The following MGME1 variants were observed in gnomAD, a reference collection of about 807,000 sequenced individuals.
MGME1 encodes mitochondrial genome maintenance exonuclease 1, also known as chromosome 20 open reading frame 72.
MGME1 carries 22 observed loss-of-function variants against 33.0 expected under a neutral mutation model. The observed-to-expected ratio is 0.67, with a 90% CI of 0.48 to 0.95. MGME1 has a LOEUF of 0.95. MGME1 is among the 40% of genes least tolerant of loss of function. The pLI is 0.00. For missense variants in MGME1, 383 were observed against 397.8 expected, an observed-to-expected ratio of 0.96 and a Z score of 0.32; for synonymous variants, 133 against 144.0, an observed-to-expected ratio of 0.92 and a Z score of 0.55.
intron 3 of MGME1, among the ~76,000 whole-genome samples, chr20:17,976,183 G>A (rs570665376): frequency 6.6e-6 from 1 of 152,160 alleles, no homozygotes; most frequent in Non-Finnish European, 1.5e-5. Context: ...GAGTGCAGTG[G>A]TGCAATCTTG....
At chr20:17,988,058 TG>T in intron 3 of MGME1, 107 bp from the exon 4 acceptor site, 1 of 1,102,702 alleles carries the variant, frequency 9.1e-7, no homozygotes. Flanking sequence ...ATAAGAGCAA[TG>T]GTCATTGGCT....
intron 2 of MGME1, among the ~76,000 whole-genome samples, chr20:17,971,271 T>C (rs910905): frequency 0.27 from 40,883 of 152,052 alleles, 5,818 homozygotes; most frequent in East Asian, 0.43. Context: ...ATAGGTGGTA[T>C]TGGATATGTA....
At chr20:17,973,780 G>A (rs2035787878) in intron 2 of MGME1, among the ~76,000 whole-genome samples, 1 of 152,024 alleles carries the variant, frequency 6.6e-6, no homozygotes, top group African/African-American at 2.4e-5. Context: ...TGCTTCCTTT[G>A]CTCTACTGTG....
intron 3 of MGME1, among the ~76,000 whole-genome samples, chr20:17,987,427 G>T (rs1188330125): frequency 1.3e-5 from 2 of 152,066 alleles, no homozygotes; most frequent in East Asian, 3.9e-4. Context: ...GTACAAAAAA[G>T]AATGTAAAAT....
At chr20:17,986,626 C>T (rs1182503515) in intron 3 of MGME1, among the ~76,000 whole-genome samples, 1 of 152,006 alleles carries the variant, frequency 6.6e-6, no homozygotes, top group Admixed American at 6.6e-5. Flanking sequence ...TCCCAAAGTG[C>T]TGGAGATTAC....
chr20:17,989,595 C>G (rs1287433384), intron 4 of MGME1, among the ~76,000 whole-genome samples: 1 of 145,864 alleles, frequency 6.9e-6, no homozygotes, highest in African/African-American at 2.6e-5. Context: ...GCCTCAGCTT[C>G]GAGGGTGCAA....
In MGME1 at chr20:17,990,150, A is replaced by G; in HGVS notation, c.*41A>G. ...TTGGGAACATTCAGCACCTTCTCAC[A>G]GTTTGGGAACATATATTGCTGTTTA... On this transcript the variant is annotated 3_prime_UTR_variant, in exon 5 of 5. Transcript: ENST00000377710. 1 of 1,582,636 alleles carries G rather than the reference A, an allele frequency of 6.3e-7. No individual in the cohort carries two copies. Among genetic ancestry groups the G allele is most frequent in the Non-Finnish European group, 8.7e-7 (1 of 1,151,566 alleles).
intron 2 of MGME1, among the ~76,000 whole-genome samples, chr20:17,974,938 C>T (rs748002670): frequency 9.9e-5 from 15 of 152,094 alleles, no homozygotes; most frequent in Non-Finnish European, 1.9e-4. Context: ...AAAAGGATTC[C>T]CCCACCTATG....
At position 17,988,567 on chromosome 20, in the gene MGME1, G is replaced by A. The variant is rs563887809; in HGVS notation, c.864+269G>A. Among the ~76,000 whole-genome samples, 17 of 150,958 alleles carry A rather than the reference G, an allele frequency of 1.1e-4. 1 individual carries two copies. In the South Asian group the frequency reaches 3.4e-3, roughly 30 times the overall value. On this transcript the variant is annotated intron_variant, in intron 4 of 4. Coordinates refer to ENST00000377710, the MANE Select transcript of MGME1 (RefSeq NM_052865.4). Reference sequence around the variant, plus strand: ...TGAGGCAGGAGAATTGCTTGAACCCGCGAGGTGGAGGTTGTAGTGAGCCAA... The same window carrying A: ...TGAGGCAGGAGAATTGCTTGAACCCACGAGGTGGAGGTTGTAGTGAGCCAA...
At position 17,975,743 on chromosome 20, in the gene MGME1, G is replaced by T; in HGVS notation, c.571G>T (p.Glu191Ter). The T allele has an allele frequency of 6.2e-7, 1 of 1,614,066 alleles. No homozygotes were observed. The highest frequency in any genetic ancestry group is 8.5e-7 in the Non-Finnish European group (1 of 1,180,026). ...CTTGGAAAGCATACTTTCACCCCAG[G>T]AAACCTTAAAAGAGAGAGATGAAAA... ...EALESILSPQ[E>*]TLKERDENLL... is the part of the protein sequence containing the mutation. The change falls in exon 3 of 5, where the codon GAA (glutamate) becomes TAA (stop). Residue 191 changes from glutamate (E) to a stop codon, truncating the protein, a stop_gained. Coordinates refer to ENST00000377710, the MANE Select transcript of MGME1 (RefSeq NM_052865.4). LOFTEE classifies it high-confidence loss of function.
intron 1 of MGME1, among the ~76,000 whole-genome samples, chr20:17,969,426 T>A (rs1330672890): frequency 6.6e-6 from 1 of 152,194 alleles, no homozygotes; most frequent in Non-Finnish European, 1.5e-5. Context: ...CCACACAGAA[T>A]ACTTAGCAGA....
intron 2 of MGME1, 89 bp downstream of exon 2, chr20:17,970,459 T>C: frequency 7.2e-7 from 1 of 1,390,442 alleles, no homozygotes; most frequent in Non-Finnish European, 9.7e-7. Context: ...TGGTTTTGTT[T>C]TTTTAACTTA....
intron 4 of MGME1, among the ~76,000 whole-genome samples, chr20:17,988,776 C>T (rs1486416856): frequency 6.6e-6 from 1 of 151,316 alleles, no homozygotes; most frequent in East Asian, 1.9e-4. Flanking sequence ...TATCCCATTG[C>T]TTAACGTCTT....
intron 2 of MGME1, among the ~76,000 whole-genome samples, chr20:17,971,036 GA>G (rs2035714978): frequency 6.6e-6 from 1 of 152,186 alleles, no homozygotes; most frequent in African/African-American, 2.4e-5. Context: ...TTTGTTAAAG[GA>G]AAGTTTCACA....
At chr20:17,986,435 G>T (rs533355103) in intron 3 of MGME1, among the ~76,000 whole-genome samples, 2 of 151,578 alleles carry the variant, frequency 1.3e-5, no homozygotes, top group East Asian at 3.9e-4. Context: ...TTGTGCAGTG[G>T]TGCAATCTCG....
In MGME1 at chr20:17,972,682, G is replaced by C. The variant is rs79140002; in HGVS notation, c.511+2312G>C. 2.1e-3 allele frequency: 2,033 copies of C among 985,296 alleles called. 27 individuals carry two copies. The African/African-American group carries it at 0.032, about 16-fold the overall frequency. The allele number at this position is 985,296 out of a possible 1,614,324, so 61.0% of individuals were successfully genotyped here. On this transcript the variant is annotated intron_variant, in intron 2 of 4. Transcript: ENST00000377710. ...ATCATGTTGAATGTTCTGAGCCTTA[G>C]TGTCTAAAGGATCCTGTAATCTAGG...
At chr20:17,977,052 G>A (rs571958392) in intron 3 of MGME1, among the ~76,000 whole-genome samples, 106 of 152,168 alleles carry the variant, frequency 7.0e-4, no homozygotes, top group African/African-American at 2.4e-3. Flanking sequence ...TCCAGACCCC[G>A]AGAGGGTTCT....
In MGME1 at chr20:17,990,551, G is replaced by A; in HGVS notation, c.*442G>A. The A allele has an allele frequency of 5.0e-6, 1 of 200,416 alleles. No homozygotes were observed. Among genetic ancestry groups the A allele is most frequent in the Non-Finnish European group, 1.0e-5 (1 of 98,926 alleles). The allele number at this position is 200,416 out of a possible 1,614,324, so 12.4% of individuals were successfully genotyped here. A position where few individuals can be genotyped will look rare whatever the true frequency, so the allele number is the denominator to read the frequency against. On this transcript the variant is annotated 3_prime_UTR_variant, in exon 5 of 5. Coordinates refer to ENST00000377710, the MANE Select transcript of MGME1 (RefSeq NM_052865.4). Reference sequence around the variant, plus strand: ...ACATGCCCCCAGCTGTGTGCAGGGAGGACACATCAGCCCACTACCGCTGCC... The same window carrying A: ...ACATGCCCCCAGCTGTGTGCAGGGAAGACACATCAGCCCACTACCGCTGCC...
intron 4 of MGME1, 146 bp from the exon 5 acceptor site, chr20:17,989,793 G>A (rs1251021404): frequency 1.5e-6 from 1 of 667,936 alleles, no homozygotes; most frequent in Non-Finnish European, 2.5e-6. Flanking sequence ...TCCTGGTGCA[G>A]TCTTTGATCA....
Sources: allele counts gnomAD v4.1 joint callset (sites outside exome capture counted in the v4.1 genomes callset), GRCh38; gene constraint gnomAD v4.1.1; transcripts MANE v1.5; gene names NCBI Gene and HGNC (gene_info 2026-07-23, HGNC 2026-07-21).